Variants in DPEP1 observed in about 807,000 individuals in gnomAD.
The protein encoded by DPEP1 is beta-lactamase.
A neutral mutation model predicts 42.3 loss-of-function variants in DPEP1; 50 were observed. That is an observed-to-expected ratio of 1.18 (90% CI 0.94 to 1.50). The LOEUF (loss-of-function observed/expected upper bound fraction) is 1.50, where lower values mean the gene tolerates loss of function less well. Among genes scored for constraint, DPEP1 ranks in the 40% most tolerant of loss-of-function variants. The probability of loss-of-function intolerance (pLI) is 0.00; values close to 1 mark genes in which losing one functional copy is unlikely to be tolerated. For missense variants in DPEP1, 663 were observed against 553.0 expected (o/e 1.20, Z -1.99); for synonymous variants, 297 against 234.0 (o/e 1.27, Z -2.46).
chr16:89,631,995 T>A (rs1347551120), intron 2 of DPEP1, among the ~76,000 whole-genome samples: 1 of 151,710 alleles, frequency 6.6e-6, no homozygotes, highest in Non-Finnish European at 1.5e-5. Flanking sequence ...GAGGGAGACA[T>A]AAAGAAGGGA....
chr16:89,630,165 A>C (rs1253627040), intron 1 of DPEP1, 140 bp from the exon 2 acceptor site: 1 of 348,646 alleles, frequency 2.9e-6, no homozygotes, highest in African/African-American at 2.2e-5. Context: ...AGCAACGCCC[A>C]GTCATTGAGT....
downstream of DPEP1, among the ~76,000 whole-genome samples, chr16:89,638,708 A>ACC (rs1350786242): frequency 9.9e-3 from 347 of 35,176 alleles, 2 homozygotes; most frequent in Non-Finnish European, 0.014. Flanking sequence ...ACACACACAC[A>ACC]CCGCACCCCT....
At chr16:89,626,954 A>G (rs559238839) in intron 1 of DPEP1, among the ~76,000 whole-genome samples, 2 of 151,684 alleles carry the variant, frequency 1.3e-5, no homozygotes, top group African/African-American at 4.8e-5. Flanking sequence ...TGTCTGTAGT[A>G]AAAATAAAAA....
At chr16:89,613,383 G>A (rs924291061), upstream of DPEP1, 2 of 152,290 alleles carry the variant, frequency 1.3e-5, no homozygotes, top group Admixed American at 6.5e-5. Flanking sequence ...AGCTGCTGGA[G>A]AAGTTTCTAG....
chr16:89,630,234 G>T, intron 1 of DPEP1, 71 bp from the exon 2 acceptor site: 1 of 484,326 alleles, frequency 2.1e-6, no homozygotes. Flanking sequence ...TATTGAACAT[G>T]GGAAGCTATA....
Position 89,635,966 on chromosome 16 carries a change from A to G in DPEP1, c.163A>G (p.Arg55Gly). 6.2e-7 allele frequency: 1 copy of G among 1,612,108 alleles called. No homozygotes were observed. The highest frequency in any genetic ancestry group is 1.1e-5 in the South Asian group (1 of 91,030). The change falls in exon 3 of 11, where the codon AGG becomes GGG. Residue 55 changes from arginine (R) to glycine (G), a missense_variant. Transcript: ENST00000690203. ...GTTCAACAACCGGCTGCAGGACGAG[A>G]GGGCCAACCTGACCACCTTGGCCGG... is the stretch of plus-strand genomic sequence containing the variant. ...DMFNNRLQDERANLTTLAGTH... is the reference protein window; with the variant it reads ...DMFNNRLQDEGANLTTLAGTH...
chr16:89,640,871 A>T (rs6500436), downstream of DPEP1, among the ~76,000 whole-genome samples: 5,229 of 152,128 alleles, frequency 0.034, 193 homozygotes, highest in African/African-American at 0.092. Context: ...GGACGCGGAG[A>T]CCGGTAGTGG....
intron 1 of DPEP1, among the ~76,000 whole-genome samples, chr16:89,629,183 T>C (rs1348978336): frequency 2.0e-5 from 3 of 152,194 alleles, no homozygotes; most frequent in Non-Finnish European, 4.4e-5. Context: ...ATTCTGATTT[T>C]TTTAAAATAT....
In DPEP1 at chr16:89,637,268, C is replaced by T. The variant is rs779253423; in HGVS notation, c.656C>T (p.Thr219Ile). The change falls in exon 7 of 11, where the codon ACC becomes ATC. Residue 219 changes from threonine (T) to isoleucine (I), a missense_variant. Transcript: ENST00000690203. ...GACTTGGCTCACGTGTCTGTGGCCA[C>T]CATGAAGGCCACCCTGCAGCTGTCC... ...LIDLAHVSVA[T>I]MKATLQLSRA... 6 of 1,612,644 alleles carry T rather than the reference C, an allele frequency of 3.7e-6. No individual in the cohort carries two copies. The African/African-American group carries it at 6.7e-5, about 18-fold the overall frequency.
chr16:89,614,759 C>A (rs2059365752), intron 1 of DPEP1, among the ~76,000 whole-genome samples: 1 of 152,200 alleles, frequency 6.6e-6, no homozygotes, highest in Non-Finnish European at 1.5e-5. Context: ...CGTGCCACTG[C>A]ACTCCAGCCT....
chr16:89,614,418 TCTGCCTTCCCGCCCAGCTAAGAGCAGGGC>T (rs1292383571), intron 1 of DPEP1, among the ~76,000 whole-genome samples: 1 of 152,218 alleles, frequency 6.6e-6, no homozygotes, highest in Non-Finnish European at 1.5e-5. Context: ...TGCGCAGTCA[TCTGCCTTCCCGCCCAGCTAAGAGCAGGGC>T]CTGTTGTCCG....
chr16:89,638,102 G>A lies in DPEP1; in HGVS notation c.1116G>A (p.Gln372=). ...APEEEPIPLD[Q]LGGSCRTHYG... is the part of the protein sequence containing the mutation. The stretch of plus-strand genomic sequence containing the variant: ...AGGAGGAGCCCATCCCGCTGGACCA[G>A]CTGGGTGGCTCCTGCAGGACCCATT... The change falls in exon 11 of 11, where the codon CAG becomes CAA. Residue 372 remains glutamine, a synonymous_variant. Coordinates refer to ENST00000690203, the MANE Select transcript of DPEP1 (RefSeq NM_001389466.1). 1.2e-6 allele frequency: 2 copies of A among 1,612,340 alleles called. No homozygotes were observed. Among genetic ancestry groups the A allele is most frequent in the Non-Finnish European group, 1.7e-6 (2 of 1,179,838 alleles).
rs1416989664 is a variant in DPEP1 at position 89,636,902 on chromosome 16, G to A, written c.558G>A (p.Glu186=). The A allele has an allele frequency of 6.2e-7, 1 of 1,612,446 alleles. No homozygotes were observed. Among genetic ancestry groups the A allele is most frequent in the Non-Finnish European group, 8.5e-7 (1 of 1,179,954 alleles). The change falls in exon 6 of 11, where the codon GAG becomes GAA. Residue 186 remains glutamate, a synonymous_variant. Coordinates refer to ENST00000690203, the MANE Select transcript of DPEP1 (RefSeq NM_001389466.1). ...GGCTGGTGGACACGGGAGACAGCGA[G>A]CCCCAGAGCCAAGGCTTGTCACCCT... is the stretch of plus-strand genomic sequence containing the variant. The part of the protein sequence containing the change: ...DNWLVDTGDS[E]PQSQGLSPFG...
chr16:89,635,802 C>A, intron 2 of DPEP1, 106 bp from the exon 3 acceptor site: 2 of 1,416,946 alleles, frequency 1.4e-6, no homozygotes, highest in South Asian at 1.4e-5. Context: ...CTGCGTCTGT[C>A]GTGAGGAGTA....
chr16:89,627,068 T>C (rs953952195), intron 1 of DPEP1, among the ~76,000 whole-genome samples: 2 of 148,586 alleles, frequency 1.3e-5, no homozygotes, highest in East Asian at 4.1e-4. Context: ...GAGACCATCC[T>C]GGCTAAAACG....
chr16:89,631,259 C>T (rs1274691314), intron 2 of DPEP1, among the ~76,000 whole-genome samples: 3 of 152,108 alleles, frequency 2.0e-5, no homozygotes, highest in Non-Finnish European at 4.4e-5. Flanking sequence ...CTCGCTGGGG[C>T]ACCTGGGTCA....
chr16:89,616,857 C>A (rs2059383448), intron 1 of DPEP1: 2 of 227,156 alleles, frequency 8.8e-6, no homozygotes, highest in Non-Finnish European at 1.8e-5. Flanking sequence ...GGCCAGGAAG[C>A]AGGCAGGAAG....
chr16:89,635,935 G>A lies in DPEP1; in HGVS notation c.132G>A (p.Leu44=), dbSNP rs1202544087. The A allele has an allele frequency of 1.9e-6, 3 of 1,610,122 alleles. No individual in the cohort carries two copies. The Admixed American group carries it at 5.0e-5, about 27-fold the overall frequency. The change falls in exon 3 of 11, where the codon CTG becomes CTA. Residue 44 remains leucine (L), a synonymous_variant. Coordinates refer to ENST00000690203, the MANE Select transcript of DPEP1 (RefSeq NM_001389466.1). ...DGHNDLPWQL[L]DMFNNRLQDE... ...ACAATGACCTCCCCTGGCAGCTGCT[G>A]GATATGTTCAACAACCGGCTGCAGG...
intron 8 of DPEP1, 22 bp from the exon 9 acceptor site, chr16:89,637,610 A>C (rs1314200372): frequency 1.2e-6 from 2 of 1,612,832 alleles, no homozygotes; most frequent in African/African-American, 2.7e-5. Context: ...CTCGGGACCC[A>C]TACCTGCTGC....
Sources: allele counts gnomAD v4.1 joint callset (sites outside exome capture counted in the v4.1 genomes callset), GRCh38; gene constraint gnomAD v4.1.1; transcripts MANE v1.5; gene names NCBI Gene and HGNC (gene_info 2026-07-23, HGNC 2026-07-21).